UBE2F: variants seen among roughly 807,000 people sequenced by gnomAD.
UBE2F encodes the protein NEDD8-conjugating enzyme UBE2F.
In UBE2F, 5 loss-of-function variants were observed where a neutral mutation model predicts 29.6. The observed-to-expected ratio is 0.17, with a 90% CI of 0.09 to 0.36. The LOEUF is 0.36. Ranked by LOEUF, UBE2F falls within the 10% of genes least tolerant of loss-of-function variation. UBE2F has a pLI of 1.00. For missense variants in UBE2F, 141 were observed against 228.5 expected (o/e 0.62, Z 2.47); for synonymous variants, 66 against 81.8 (o/e 0.81, Z 1.04).
intron 6 of UBE2F, among the ~76,000 whole-genome samples, chr2:238,029,249 T>C (rs1185141869): frequency 6.7e-6 from 1 of 150,086 alleles, no homozygotes; most frequent in African/African-American, 2.5e-5. Flanking sequence ...GCATTAATCT[T>C]TTATCCTCAA....
At chr2:237,999,084 A>ATTTT (rs1169669078) in intron 4 of UBE2F, among the ~76,000 whole-genome samples, 3 of 150,508 alleles carry the variant, frequency 2.0e-5, no homozygotes, top group African/African-American at 7.4e-5. Flanking sequence ...TTATTTATTT[A>ATTTT]TTTATTTTTT....
chr2:238,007,271 A>G (rs766771635), intron 4 of UBE2F, among the ~76,000 whole-genome samples: 4 of 151,860 alleles, frequency 2.6e-5, no homozygotes, highest in East Asian at 1.9e-4. Flanking sequence ...ACAGGTGCCC[A>G]CCACCATGCC....
At chr2:237,969,530 C>CT (rs1401188460) in intron 1 of UBE2F, among the ~76,000 whole-genome samples, 1 of 152,304 alleles carries the variant, frequency 6.6e-6, no homozygotes, top group East Asian at 1.9e-4. Context: ...CAAGGTCAGC[C>CT]AGAGACCTGG....
intron 4 of UBE2F, among the ~76,000 whole-genome samples, chr2:237,999,084 A>T (rs1011293683): frequency 1.5e-4 from 22 of 150,602 alleles, no homozygotes; most frequent in African/African-American, 4.2e-4. Flanking sequence ...TTATTTATTT[A>T]TTTATTTTTT....
chr2:237,996,476 GT>G (rs11293005), intron 4 of UBE2F, among the ~76,000 whole-genome samples: 64,475 of 138,208 alleles, frequency 0.47, 14,426 homozygotes, highest in East Asian at 0.73. Flanking sequence ...TCCCCTCCGC[GT>G]TTTTTTTTTT....
intron 4 of UBE2F, among the ~76,000 whole-genome samples, chr2:238,004,037 A>C (rs1338145811): frequency 2.6e-5 from 4 of 152,128 alleles, no homozygotes; most frequent in Non-Finnish European, 5.9e-5. Context: ...GGCTTCTCCC[A>C]CTTAGTGTAA....
chr2:238,025,463 G>A (rs746295811), intron 6 of UBE2F, 51 bp downstream of exon 6: 1 of 1,505,220 alleles, frequency 6.6e-7, no homozygotes, highest in Non-Finnish European at 9.2e-7. Flanking sequence ...TCATGTGCAA[G>A]CGTTGGGCTT....
chr2:238,031,781 G>A (rs2064587811), intron 7 of UBE2F, among the ~76,000 whole-genome samples: 1 of 152,210 alleles, frequency 6.6e-6, no homozygotes, highest in South Asian at 2.1e-4. Flanking sequence ...AAACTTAATA[G>A]GATGAGGGGT....
In UBE2F at chr2:237,967,046, C is replaced by G. The variant is rs1279485063; in HGVS notation, c.-103C>G. The G allele has an allele frequency of 2.3e-6, 3 of 1,310,622 alleles. No homozygotes were observed. Among genetic ancestry groups the G allele is most frequent in the South Asian group, 2.0e-5 (1 of 50,032 alleles). 81.2% of individuals were successfully genotyped at this position (1,310,622 alleles called of 1,614,324 possible). ...GTCCCGCCGCCGGGAGCCGGTGCGG[C>G]TGTGAGGGGCCGCGTCTCGCAGCAG... On this transcript the variant is annotated 5_prime_UTR_variant, in exon 1 of 10. Transcript: ENST00000272930. The surrounding 1 kb of genome is among the most constrained non-coding windows in gnomAD (Gnocchi z 6.3).
rs2064833965 is a variant in UBE2F, at chr2:238,041,339, T to C, written c.*1T>C. ...CTACATCAAACGTTATGCCAGATGA[T>C]AAAAGGGGACGATTGCAGGCCCATG... On this transcript the variant is annotated 3_prime_UTR_variant, in exon 10 of 10. Coordinates refer to ENST00000272930, the MANE Select transcript of UBE2F (RefSeq NM_080678.3). The C allele has an allele frequency of 6.2e-7, 1 of 1,613,740 alleles. No individual in the cohort carries two copies. Among genetic ancestry groups the C allele is most frequent in the Non-Finnish European group, 8.5e-7 (1 of 1,179,834 alleles).
At chr2:237,971,084 G>C (rs1399905719) in intron 1 of UBE2F, among the ~76,000 whole-genome samples, 4 of 152,232 alleles carry the variant, frequency 2.6e-5, no homozygotes, top group Non-Finnish European at 4.4e-5. Flanking sequence ...AGAAGATGGT[G>C]TGAGAAACTG....
chr2:238,027,022 G>A (rs2064448439), intron 6 of UBE2F, among the ~76,000 whole-genome samples: 1 of 152,178 alleles, frequency 6.6e-6, no homozygotes, highest in Non-Finnish European at 1.5e-5. Flanking sequence ...TTTCTGGGGG[G>A]CCATACTCTA....
chr2:238,041,388 A>C lies in UBE2F; in HGVS notation c.*50A>C, dbSNP rs1487333108. ...TGGACTGTGTTACAGTTTGTCTCTA[A>C]CATGAAACAGCAAGAGGTAGCCCCC... On this transcript the variant is annotated 3_prime_UTR_variant, in exon 10 of 10. Coordinates refer to ENST00000272930, the MANE Select transcript of UBE2F (RefSeq NM_080678.3). 5.6e-6 allele frequency: 9 copies of C among 1,599,944 alleles called. No homozygotes were observed. The Admixed American group carries it at 6.7e-5, about 12-fold the overall frequency.
At chr2:237,984,418 G>A (rs964777913) in intron 2 of UBE2F, among the ~76,000 whole-genome samples, 4 of 152,224 alleles carry the variant, frequency 2.6e-5, no homozygotes, top group African/African-American at 9.7e-5. Context: ...TGGGACCTTT[G>A]TTCTGGCCAC....
At chr2:237,971,894 G>A (rs1402145780) in intron 1 of UBE2F, among the ~76,000 whole-genome samples, 1 of 152,138 alleles carries the variant, frequency 6.6e-6, no homozygotes, top group Admixed American at 6.6e-5. Flanking sequence ...GGGGGCGTAT[G>A]GGAAATCTCT....
chr2:238,016,850 A>G (rs557495880), intron 5 of UBE2F, among the ~76,000 whole-genome samples: 2 of 152,184 alleles, frequency 1.3e-5, no homozygotes, highest in Non-Finnish European at 2.9e-5. Flanking sequence ...TATGAGTACT[A>G]TGTGCCAGGC....
chr2:238,029,298 C>A lies in UBE2F; in HGVS notation c.354-1258C>A, dbSNP rs550272584. Among the ~76,000 whole-genome samples the A allele has an allele frequency of 2.1e-4, 32 of 151,022 alleles. No individual in the cohort carries two copies. The South Asian group carries it at 6.1e-3, about 29-fold the overall frequency. On this transcript the variant is annotated intron_variant, in intron 6 of 9. Coordinates refer to ENST00000272930, the MANE Select transcript of UBE2F (RefSeq NM_080678.3). ...AACTTTAAAAAAATAAAAAAAAAAA[C>A]CCAGTTACGGCTGGGCGTGGTGGCT...
chr2:238,003,555 A>C, intron 4 of UBE2F: 1 of 306,960 alleles, frequency 3.3e-6, no homozygotes, highest in South Asian at 2.8e-5. Context: ...TGTTTTAAAA[A>C]CCATTCATTT....
chr2:237,967,492 C>G lies in UBE2F; in HGVS notation c.-17+360C>G, dbSNP rs2063080632. Among the ~76,000 whole-genome samples the G allele has an allele frequency of 6.6e-6, 1 of 152,102 alleles. No individual in the cohort carries two copies. The highest frequency in any genetic ancestry group is 2.4e-5 in the African/African-American group (1 of 41,446). ...TGGCACAGACCTGGCCGCGCTCACG[C>G]CCCACTCGCGGGATCGGCTGCCTGC... On this transcript the variant is annotated intron_variant, in intron 1 of 9. Coordinates refer to ENST00000272930, the MANE Select transcript of UBE2F (RefSeq NM_080678.3). This position sits in a 1 kb window ranked among gnomAD's most constrained non-coding sequence, Gnocchi z 6.3.
Sources: gnomAD v4.1 joint callset for allele counts (sites outside exome capture counted in the v4.1 genomes callset) on GRCh38, gnomAD v4.1.1 for gene constraint, Gnocchi (gnomAD v3.1) non-coding constraint, MANE v1.5 for transcripts, NCBI Gene and HGNC (gene_info 2026-07-23, HGNC 2026-07-21) for gene names.